Variants in COL5A1 observed in about 807,000 individuals in gnomAD.
The protein encoded by COL5A1 is collagen type V alpha 1 chain.
Under a neutral mutation model 263.7 loss-of-function variants are expected in COL5A1, and 16 were observed. The observed-to-expected ratio is 0.06, with a 90% CI of 0.04 to 0.09. The LOEUF is 0.09. COL5A1 is among the 10% of genes least tolerant of loss of function. The pLI, the probability that COL5A1 is intolerant of heterozygous loss-of-function variation, is 1.00. For missense variants in COL5A1, 2,036 were observed against 2,540.5 expected (o/e 0.80, Z 4.27); for synonymous variants, 1,012 against 1,004.5 (o/e 1.01, Z -0.14).
chr9:134,691,181 A>G (rs1588441413), intron 2 of COL5A1, 102 bp downstream of exon 2: 1 of 1,469,248 alleles, frequency 6.8e-7, no homozygotes. Context: ...AAGCGGGCTC[A>G]GCTTTCCAGG....
Position 134,755,800 on chromosome 9 carries a change from T to C in COL5A1, c.1828-965T>C, listed in dbSNP as rs1835948155. ...TTGGGGTGTGTTTGGATTTCTCTCTTTTTGCTTCTCGGCTGTTCTCGGGTG... is the reference window on the plus strand; with the variant it reads ...TTGGGGTGTGTTTGGATTTCTCTCTCTTTGCTTCTCGGCTGTTCTCGGGTG... On this transcript the variant is annotated intron_variant, in intron 16 of 65. Transcript: ENST00000371817. The surrounding 1 kb of genome is among the most constrained non-coding windows in gnomAD (Gnocchi z 4.1). Among the ~76,000 whole-genome samples the C allele has an allele frequency of 6.6e-6, 1 of 152,190 alleles. No homozygotes were observed. Among genetic ancestry groups the C allele is most frequent in the African/African-American group, 2.4e-5 (1 of 41,464 alleles).
intron 34 of COL5A1, 74 bp downstream of exon 34, chr9:134,795,389 A>T: frequency 2.4e-6 from 3 of 1,235,840 alleles, no homozygotes; most frequent in Non-Finnish European, 3.5e-6. Context: ...GGAGCGTCTG[A>T]GGGTGTCTGT....
intron 11 of COL5A1, among the ~76,000 whole-genome samples, chr9:134,740,598 T>C (rs934066023): frequency 1.3e-5 from 2 of 152,208 alleles, no homozygotes; most frequent in African/African-American, 4.8e-5. Context: ...CCTCCTTCTA[T>C]CCATCCAGCG....
At chr9:134,649,858 A>G (rs558068295) in intron 1 of COL5A1, among the ~76,000 whole-genome samples, 2 of 152,346 alleles carry the variant, frequency 1.3e-5, no homozygotes, top group South Asian at 4.1e-4. Flanking sequence ...CAGCCATAAA[A>G]AAAGGATAGT....
intron 1 of COL5A1, among the ~76,000 whole-genome samples, chr9:134,650,968 T>C (rs1410836043): frequency 6.6e-6 from 1 of 152,228 alleles, no homozygotes; most frequent in African/African-American, 2.4e-5. Flanking sequence ...TGCATGTTGG[T>C]GCAGGTCCGT....
intron 65 of COL5A1, among the ~76,000 whole-genome samples, chr9:134,838,989 TC>T (rs1839932842): frequency 6.6e-6 from 1 of 152,200 alleles, no homozygotes; most frequent in Non-Finnish European, 1.5e-5. Context: ...ATTTGAAAAG[TC>T]ACAACCGTCT....
At chr9:134,831,312 C>T (rs991527961) in intron 64 of COL5A1, among the ~76,000 whole-genome samples, 1 of 152,238 alleles carries the variant, frequency 6.6e-6, no homozygotes, top group African/African-American at 2.4e-5. Flanking sequence ...AGCTCCTTTG[C>T]AGACACTCCG....
chr9:134,746,066 C>T (rs559209229), intron 11 of COL5A1, among the ~76,000 whole-genome samples: 2 of 152,332 alleles, frequency 1.3e-5, no homozygotes, highest in African/African-American at 4.8e-5. Flanking sequence ...CAAGTAAGGG[C>T]ACAGTCACGT....
In COL5A1 at chr9:134,780,151, G is replaced by A; in HGVS notation, c.2430+5G>A. On this transcript the variant is annotated splice_donor_5th_base_variant and intron_variant, in intron 28 of 65. Coordinates refer to ENST00000371817, the MANE Select transcript of COL5A1 (RefSeq NM_000093.5). ...AAGGGCACAAAGGGCGAGAAGGTAA[G>A]TCTCTCCTTGCAGCCACGGGGCCCC... 1 of 1,613,288 alleles carries A rather than the reference G, an allele frequency of 6.2e-7. No individual in the cohort carries two copies. Among genetic ancestry groups the A allele is most frequent in the Non-Finnish European group, 8.5e-7 (1 of 1,180,018 alleles).
In COL5A1 at chr9:134,732,418, T is replaced by A. The variant is rs1053983455; in HGVS notation, c.1389+291T>A. 3.5e-5 allele frequency: 20 copies of A among 566,964 alleles called. No individual in the cohort carries two copies. In the Admixed American group the frequency reaches 5.4e-4, roughly 15 times the overall value. The allele number at this position is 566,964 out of a possible 1,614,324, so 35.1% of individuals were successfully genotyped here. On this transcript the variant is annotated intron_variant, in intron 9 of 65. Transcript: ENST00000371817. ...CATCTCAGTGCTGGTCAGTTTCACC[T>A]GGGATGAAAAGCAGCTCAGAGCTAT...
At chr9:134,693,593 G>A (rs1482781024) in intron 2 of COL5A1, among the ~76,000 whole-genome samples, 9 of 152,106 alleles carry the variant, frequency 5.9e-5, no homozygotes, top group Non-Finnish European at 1.0e-4. Context: ...CAAAGTGTTG[G>A]GTTGGGACCT....
Position 134,696,711 on chromosome 9 carries a change from C to T in COL5A1, c.278-3198C>T, listed in dbSNP as rs540287876. On this transcript the variant is annotated intron_variant, in intron 2 of 65. Coordinates refer to ENST00000371817, the MANE Select transcript of COL5A1 (RefSeq NM_000093.5). This position sits in a 1 kb window ranked among gnomAD's most constrained non-coding sequence, Gnocchi z 4.3. ...GTATGATTTAGTTTCAACACAAATG[C>T]ATTTATTGTACTCCTACTGCATACC... 1.3e-5 allele frequency among the ~76,000 whole-genome samples: 2 copies of T among 152,246 alleles called. No individual in the cohort carries two copies. The highest frequency in any genetic ancestry group is 2.1e-4 in the South Asian group (1 of 4,820).
rs1019448397 is a variant in COL5A1, at chr9:134,647,742, G to T, written c.109+5446G>T. Among the ~76,000 whole-genome samples the T allele has an allele frequency of 6.6e-6, 1 of 152,152 alleles. No homozygotes were observed. Among genetic ancestry groups the T allele is most frequent in the African/African-American group, 2.4e-5 (1 of 41,428 alleles). ...CAATTTCATGTCTTTTTAAACTCCC[G>T]GGAGGGCGATGTTACATTATGGCTC... On this transcript the variant is annotated intron_variant, in intron 1 of 65. Coordinates refer to ENST00000371817, the MANE Select transcript of COL5A1 (RefSeq NM_000093.5). This position sits in a 1 kb window ranked among gnomAD's most constrained non-coding sequence, Gnocchi z 5.0.
At chr9:134,690,812 T>C in intron 1 of COL5A1, 100 bp from the exon 2 acceptor site, 2 of 1,405,276 alleles carry the variant, frequency 1.4e-6, no homozygotes, top group East Asian at 2.3e-5. Flanking sequence ...GGATTCACAG[T>C]GGTGGGGGTG....
intron 4 of COL5A1, among the ~76,000 whole-genome samples, chr9:134,710,327 T>A (rs1396543598): frequency 6.6e-6 from 1 of 152,238 alleles, no homozygotes; most frequent in African/African-American, 2.4e-5. Flanking sequence ...AGTATTTTCA[T>A]AGCATCGCCG....
intron 19 of COL5A1, among the ~76,000 whole-genome samples, chr9:134,762,196 T>G (rs1326794267): frequency 3.9e-5 from 6 of 152,196 alleles, no homozygotes; most frequent in Non-Finnish European, 5.9e-5. Context: ...AACGTTTAGT[T>G]ACTCCATCGG....
intron 1 of COL5A1, among the ~76,000 whole-genome samples, chr9:134,671,889 C>T (rs1040182746): frequency 3.3e-5 from 5 of 152,252 alleles, no homozygotes; most frequent in African/African-American, 4.8e-5. Flanking sequence ...CCAACAGGCG[C>T]GTTTGTCTTT....
At chr9:134,835,928 G>A (rs1340563793) in intron 65 of COL5A1, among the ~76,000 whole-genome samples, 1 of 152,178 alleles carries the variant, frequency 6.6e-6, no homozygotes, top group East Asian at 1.9e-4. Context: ...GTGCAGCTGT[G>A]CCCCAAGAGC....
intron 1 of COL5A1, among the ~76,000 whole-genome samples, chr9:134,656,331 C>A (rs936601699): frequency 6.6e-6 from 1 of 152,224 alleles, no homozygotes; most frequent in African/African-American, 2.4e-5. Flanking sequence ...AGCTCACAGT[C>A]ACCTCTTGGA....
Sources: allele counts gnomAD v4.1 joint callset (sites outside exome capture counted in the v4.1 genomes callset), GRCh38; gene constraint gnomAD v4.1.1; non-coding constraint Gnocchi (gnomAD v3.1); transcripts MANE v1.5; gene names NCBI Gene and HGNC (gene_info 2026-07-23, HGNC 2026-07-21).